Variants in TAFA2 observed in about 807,000 individuals in gnomAD.
The protein encoded by TAFA2 is TAFA chemokine like family member 2.
TAFA2 carries 7 observed loss-of-function variants against 18.8 expected under a neutral mutation model. The observed-to-expected ratio is 0.37, with a 90% confidence interval of 0.21 to 0.70. TAFA2 has a LOEUF of 0.70. TAFA2 is among the 30% of genes least tolerant of loss of function. The pLI, the probability that TAFA2 is intolerant of heterozygous loss-of-function variation, is 0.53. For synonymous variants in TAFA2, 60 were observed against 54.2 expected (o/e 1.11, Z -0.47); for missense variants, 122 against 158.1 (o/e 0.77, Z 1.23).
intron 1 of TAFA2, among the ~76,000 whole-genome samples, chr12:62,039,344 G>C (rs1200865924): frequency 6.6e-6 from 1 of 152,186 alleles, no homozygotes; most frequent in Non-Finnish European, 1.5e-5. Context: ...AGTAAGGGCA[G>C]TAAAATAGGT....
chr12:61,941,384 T>C (rs1279683423), intron 1 of TAFA2, among the ~76,000 whole-genome samples: 1 of 152,168 alleles, frequency 6.6e-6, no homozygotes, highest in African/African-American at 2.4e-5. Context: ...AAAGTACTGG[T>C]CTAGTGAATT....
chr12:62,001,900 A>C (rs1185214482), intron 1 of TAFA2, among the ~76,000 whole-genome samples: 1 of 152,232 alleles, frequency 6.6e-6, no homozygotes, highest in Non-Finnish European at 1.5e-5. Flanking sequence ...TTAAGTGATG[A>C]TGTTGTAGAG....
At chr12:62,090,627 A>G (rs1014050033) in intron 1 of TAFA2, among the ~76,000 whole-genome samples, 7 of 152,036 alleles carry the variant, frequency 4.6e-5, no homozygotes, top group African/African-American at 1.7e-4. Flanking sequence ...CTCAAGGTCA[A>G]CTGAAGAACT....
intron 1 of TAFA2, among the ~76,000 whole-genome samples, chr12:62,174,266 G>A (rs1216808328): frequency 1.7e-4 from 26 of 152,070 alleles, no homozygotes; most frequent in Admixed American, 1.7e-3. Flanking sequence ...TAGTGAGCTG[G>A]GATTGCACCA....
chr12:61,902,855 G>A (rs988047604), intron 1 of TAFA2, among the ~76,000 whole-genome samples: 4 of 151,856 alleles, frequency 2.6e-5, no homozygotes, highest in East Asian at 1.9e-4. Context: ...CCCTGTCTAC[G>A]ATCCCTCTCC....
intron 1 of TAFA2, among the ~76,000 whole-genome samples, chr12:61,910,282 C>A (rs997350904): frequency 6.6e-6 from 1 of 152,074 alleles, no homozygotes; most frequent in South Asian, 2.1e-4. Context: ...ATGCACTGAT[C>A]GTACAATTTC....
rs139902891 is a variant in TAFA2 at position 61,755,009 on chromosome 12, G to C, written c.122C>G (p.Thr41Arg). The change falls in exon 3 of 5, where the codon ACG becomes AGG. Residue 41 changes from threonine to arginine, a missense_variant. This residue lies in a region of TAFA2 where 62 missense variants were observed against 55.5 expected (regional missense o/e 1.12). Transcript: ENST00000416284. ...ANHHKAHHVK[T>R]GTCEVVALHR... Reference sequence around the variant, plus strand: ...GAGTGCCACCACCTCACAAGTTCCCGTTTTAACATGGTGAGCTGCACAAAC... The same window carrying C: ...GAGTGCCACCACCTCACAAGTTCCCCTTTTAACATGGTGAGCTGCACAAAC... The C allele has an allele frequency of 1.2e-6, 2 of 1,612,596 alleles. No homozygotes were observed. Among genetic ancestry groups the C allele is most frequent in the South Asian group, 2.2e-5 (2 of 91,030 alleles).
intron 1 of TAFA2, among the ~76,000 whole-genome samples, chr12:61,870,713 G>A (rs1244763102): frequency 6.6e-6 from 1 of 152,046 alleles, no homozygotes; most frequent in Non-Finnish European, 1.5e-5. Context: ...CATGCCACCT[G>A]AAATATGTTA....
chr12:61,899,795 A>C (rs749004146), intron 1 of TAFA2, among the ~76,000 whole-genome samples: 1 of 152,202 alleles, frequency 6.6e-6, no homozygotes, highest in Non-Finnish European at 1.5e-5. Context: ...TTTGCTTGTC[A>C]TTATTCTCTA....
intron 2 of TAFA2, among the ~76,000 whole-genome samples, chr12:61,799,452 T>A (rs1267097277): frequency 6.6e-6 from 1 of 152,148 alleles, no homozygotes; most frequent in East Asian, 1.9e-4. Flanking sequence ...ACAAATCCCC[T>A]CTTAAGATAA....
intron 2 of TAFA2, among the ~76,000 whole-genome samples, chr12:61,777,131 T>C (rs1198654444): frequency 3.3e-5 from 5 of 151,950 alleles, no homozygotes; most frequent in African/African-American, 1.2e-4. Flanking sequence ...CCAGGTAAAA[T>C]GGCCAACATC....
chr12:62,039,013 T>C (rs529679492), intron 1 of TAFA2, among the ~76,000 whole-genome samples: 2 of 152,286 alleles, frequency 1.3e-5, no homozygotes, highest in South Asian at 4.1e-4. Flanking sequence ...CCCCAGATGA[T>C]GTCTGCATAT....
At chr12:62,256,489 A>G (rs2062939710) in intron 1 of TAFA2, among the ~76,000 whole-genome samples, 1 of 152,196 alleles carries the variant, frequency 6.6e-6, no homozygotes. Context: ...CATTAGCTGT[A>G]TCTAACCCCT....
intron 1 of TAFA2, among the ~76,000 whole-genome samples, chr12:62,038,777 C>T (rs1881679806): frequency 6.6e-6 from 1 of 152,150 alleles, no homozygotes; most frequent in African/African-American, 2.4e-5. Flanking sequence ...ATACAACGTT[C>T]CCAGGAAAGA....
intron 1 of TAFA2, among the ~76,000 whole-genome samples, chr12:62,147,231 CAT>C (rs71083980): frequency 1.4e-4 from 20 of 141,378 alleles, no homozygotes; most frequent in African/African-American, 4.2e-4. Context: ...AAACCAAATA[CAT>C]ATATATATAT....
chr12:61,768,083 T>C (rs1487646918), intron 2 of TAFA2, among the ~76,000 whole-genome samples: 3 of 152,082 alleles, frequency 2.0e-5, no homozygotes, highest in African/African-American at 7.2e-5. Flanking sequence ...CATTCACACA[T>C]TGAAGATTCC....
chr12:62,076,950 T>C (rs1428449519), intron 1 of TAFA2, among the ~76,000 whole-genome samples: 1 of 152,178 alleles, frequency 6.6e-6, no homozygotes, highest in Non-Finnish European at 1.5e-5. Context: ...AGTGGAAGTC[T>C]AAAAGAAATG....
intron 1 of TAFA2, among the ~76,000 whole-genome samples, chr12:61,989,748 G>T (rs1254154069): frequency 6.6e-6 from 1 of 152,160 alleles, no homozygotes. Context: ...ATGTCAGAAA[G>T]CATATTGCCC....
intron 1 of TAFA2, among the ~76,000 whole-genome samples, chr12:62,059,721 C>T (rs1882294897): frequency 6.6e-6 from 1 of 152,110 alleles, no homozygotes; most frequent in South Asian, 2.1e-4. Flanking sequence ...ATTTTCAGTG[C>T]TTCTTGTAGG....
Sources: allele counts gnomAD v4.1 joint callset (sites outside exome capture counted in the v4.1 genomes callset), GRCh38; gene constraint gnomAD v4.1.1; regional missense constraint gnomAD v4.1.1; transcripts MANE v1.5; gene names NCBI Gene and HGNC (gene_info 2026-07-23, HGNC 2026-07-21).